Variants in THADA observed in about 807,000 individuals in gnomAD.
The protein encoded by THADA is THADA armadillo repeat containing.
In THADA, 213 loss-of-function variants were observed where a neutral mutation model predicts 219.8. That is an observed-to-expected ratio of 0.97 (90% CI 0.87 to 1.09). The LOEUF (loss-of-function observed/expected upper bound fraction) is 1.09. Among genes scored for constraint, THADA ranks in the 50% least tolerant of loss-of-function variants. The pLI is 0.00. For synonymous variants in THADA, 1,018 were observed against 828.9 expected, an observed-to-expected ratio of 1.23 and a Z score of -3.92; for missense variants, 2,956 against 2,311.3, an observed-to-expected ratio of 1.28 and a Z score of -5.72.
chr2:43,449,433 G>A (rs1299385422), intron 26 of THADA, among the ~76,000 whole-genome samples: 1 of 152,174 alleles, frequency 6.6e-6, no homozygotes, highest in Admixed American at 6.5e-5. Context: ...AACTTCCCAA[G>A]TTTGATGAAA....
chr2:43,418,302 G>T (rs1465245111), intron 28 of THADA, among the ~76,000 whole-genome samples: 1 of 152,174 alleles, frequency 6.6e-6, no homozygotes, highest in Non-Finnish European at 1.5e-5. Context: ...ATCAACGTAA[G>T]AAGCAAAGCA....
intron 29 of THADA, among the ~76,000 whole-genome samples, chr2:43,389,500 T>G (rs1044968584): frequency 2.0e-5 from 3 of 152,018 alleles, no homozygotes; most frequent in African/African-American, 7.3e-5. Flanking sequence ...ATAAAAGAAA[T>G]AACACACTAA....
intron 36 of THADA, among the ~76,000 whole-genome samples, chr2:43,246,702 G>A (rs770380374): frequency 1.3e-4 from 20 of 152,186 alleles, no homozygotes; most frequent in Non-Finnish European, 2.4e-4. Flanking sequence ...AAATGAAAAT[G>A]CCTGTGATTT....
At chr2:43,284,368 A>T (rs1053192079) in intron 35 of THADA, among the ~76,000 whole-genome samples, 1 of 152,156 alleles carries the variant, frequency 6.6e-6, no homozygotes, top group Admixed American at 6.5e-5. Context: ...GCTGTGTCCC[A>T]GCTGCTCTAG....
intron 36 of THADA, among the ~76,000 whole-genome samples, chr2:43,269,439 A>C (rs1292465757): frequency 1.3e-5 from 2 of 152,210 alleles, no homozygotes; most frequent in Non-Finnish European, 2.9e-5. Context: ...ACTGGCACTC[A>C]TAACTGGCCA....
At chr2:43,555,427 T>C (rs1445251330) in intron 17 of THADA, among the ~76,000 whole-genome samples, 1 of 151,842 alleles carries the variant, frequency 6.6e-6, no homozygotes, top group East Asian at 1.9e-4. Flanking sequence ...TTAAGCCGTC[T>C]ATATTTAAAC....
chr2:43,269,002 G>T (rs866772481), intron 36 of THADA, among the ~76,000 whole-genome samples: 1 of 152,222 alleles, frequency 6.6e-6, no homozygotes, highest in Non-Finnish European at 1.5e-5. Context: ...AACTGGCTTA[G>T]GTTCAAAAAG....
In THADA at chr2:43,380,869, T is replaced by C. The variant is rs527992530; in HGVS notation, c.4227+17102A>G. On this transcript the variant is annotated intron_variant, in intron 29 of 37. Transcript: ENST00000405975. The stretch of plus-strand genomic sequence containing the variant: ...ATCCCAGCACTTTGGGAGGCTGAGG[T>C]GGGTGGATCACCTGAGGTTAGGAGT... 1.1e-3 allele frequency among the ~76,000 whole-genome samples: 169 copies of C among 151,658 alleles called. 1 individual carries two copies. Among genetic ancestry groups the C allele is most frequent in the African/African-American group, 3.9e-3 (163 of 41,380 alleles).
chr2:43,279,683 T>C (rs1673113026), intron 36 of THADA, 82 bp downstream of exon 36: 5 of 1,468,322 alleles, frequency 3.4e-6, no homozygotes, highest in Admixed American at 3.0e-5. Flanking sequence ...ATGCCTAAGA[T>C]ACTATCTGGC....
chr2:43,274,786 C>A, intron 36 of THADA, among the ~76,000 whole-genome samples: 1 of 151,894 alleles, frequency 6.6e-6, no homozygotes, highest in Non-Finnish European at 1.5e-5. Flanking sequence ...AGAGCCACAG[C>A]CGATCTGCCT....
chr2:43,572,528 C>A (rs17031064), intron 12 of THADA, among the ~76,000 whole-genome samples: 2 of 152,132 alleles, frequency 1.3e-5, no homozygotes, highest in Non-Finnish European at 1.5e-5. Flanking sequence ...GCCTTCCAAG[C>A]GAGTCCTTAT....
chr2:43,489,512 T>C (rs1464510123), intron 25 of THADA, among the ~76,000 whole-genome samples: 1 of 152,182 alleles, frequency 6.6e-6, no homozygotes, highest in Non-Finnish European at 1.5e-5. Context: ...TTTATAGTTT[T>C]AGCTTTTACA....
intron 13 of THADA, among the ~76,000 whole-genome samples, 171 bp from the exon 14 acceptor site, chr2:43,570,681 C>T (rs1458070880): frequency 1.3e-5 from 2 of 152,144 alleles, no homozygotes; most frequent in African/African-American, 2.4e-5. Context: ...ATACCAAAAA[C>T]AAACTATTAC....
rs151301561 is a variant in THADA, at chr2:43,233,582, C to T, written c.5297-700G>A. ...TGCATTTGGCTCCTATTTTGCTGCC[C>T]TCTGTCTCGGAGTTTTTTGTTTTTG... On this transcript the variant is annotated intron_variant, in intron 36 of 37. Coordinates refer to ENST00000405975, the MANE Select transcript of THADA (RefSeq NM_022065.5). 4.5e-3 allele frequency among the ~76,000 whole-genome samples: 682 copies of T among 152,204 alleles called. 6 individuals are homozygous for T. The highest frequency in any genetic ancestry group is 0.015 in the African/African-American group (620 of 41,524).
intron 21 of THADA, among the ~76,000 whole-genome samples, chr2:43,539,025 T>C (rs1037285040): frequency 5.3e-5 from 8 of 152,158 alleles, no homozygotes; most frequent in East Asian, 3.8e-4. Flanking sequence ...TAGAATAGAA[T>C]TGTATTTTAG....
chr2:43,386,709 C>T (rs1672731732), intron 29 of THADA, among the ~76,000 whole-genome samples: 2 of 152,054 alleles, frequency 1.3e-5, no homozygotes, highest in African/African-American at 2.4e-5. Flanking sequence ...GCCTGGCCAA[C>T]ATGGTGAAAC....
chr2:43,524,211 A>G (rs1159029635), intron 22 of THADA, among the ~76,000 whole-genome samples: 3 of 152,194 alleles, frequency 2.0e-5, no homozygotes, highest in Admixed American at 1.3e-4. Context: ...TTAACTCAAC[A>G]CACTATTTGT....
intron 29 of THADA, among the ~76,000 whole-genome samples, chr2:43,392,695 A>C (rs1321073898): frequency 6.6e-6 from 1 of 152,016 alleles, no homozygotes; most frequent in East Asian, 1.9e-4. Context: ...TCCAGACTCA[A>C]GCAGAAATGG....
At chr2:43,434,314 G>A (rs1317453893) in intron 26 of THADA, among the ~76,000 whole-genome samples, 2 of 152,204 alleles carry the variant, frequency 1.3e-5, no homozygotes, top group Non-Finnish European at 2.9e-5. Context: ...TATGAGAAGA[G>A]GGCAGGGAAG....
Sources: gnomAD v4.1 joint callset for allele counts (sites outside exome capture counted in the v4.1 genomes callset) on GRCh38, gnomAD v4.1.1 for gene constraint, MANE v1.5 for transcripts, NCBI Gene and HGNC (gene_info 2026-07-23, HGNC 2026-07-21) for gene names.